STK32A: variants seen among roughly 807,000 people sequenced by gnomAD.
STK32A encodes the protein serine/threonine kinase 32A.
Under a neutral mutation model 53.2 loss-of-function variants are expected in STK32A, and 41 were observed. The observed-to-expected ratio is 0.77, with a 90% CI of 0.60 to 1.00. STK32A has a LOEUF of 1.00. STK32A is among the 50% of genes least tolerant of loss of function. The pLI, the probability that STK32A is intolerant of heterozygous loss-of-function variation, is 0.00. For synonymous variants in STK32A, 166 were observed against 162.8 expected, an observed-to-expected ratio of 1.02 and a Z score of -0.15; for missense variants, 458 against 485.8, an observed-to-expected ratio of 0.94 and a Z score of 0.54.
At position 147,279,246 on chromosome 5, in the gene STK32A, G is replaced by A; in HGVS notation, c.109-1G>A. 2 of 1,611,516 alleles carry A rather than the reference G, an allele frequency of 1.2e-6. No homozygotes were observed. The highest frequency in any genetic ancestry group is 4.5e-5 in the East Asian group (2 of 44,802). ...TCTCTCACTCGGGTTTTCACCATTAGGTCTGCATTGTACAGAAGAATGATA... is the reference window on the plus strand; with the variant it reads ...TCTCTCACTCGGGTTTTCACCATTAAGTCTGCATTGTACAGAAGAATGATA... On this transcript the variant is annotated splice_acceptor_variant, in intron 3 of 12. Coordinates refer to ENST00000397936, the MANE Select transcript of STK32A (RefSeq NM_001112724.2). LOFTEE classifies it high-confidence loss of function.
intron 2 of STK32A, among the ~76,000 whole-genome samples, chr5:147,260,171 C>G (rs1347022251): frequency 3.3e-4 from 4 of 12,194 alleles, no homozygotes; most frequent in African/African-American, 1.7e-3. Context: ...CTGTCTCTCT[C>G]TCTCTCTCCT....
chr5:147,384,271 C>A lies in STK32A; in HGVS notation c.*288C>A. ...AGGGTTATACTAGACGAGCCATACC[C>A]TGCCTTTTTAGTGCTATAGTTGTTA... On this transcript the variant is annotated 3_prime_UTR_variant, in exon 13 of 13. Coordinates refer to ENST00000397936, the MANE Select transcript of STK32A (RefSeq NM_001112724.2). The A allele has an allele frequency of 7.4e-7, 1 of 1,346,338 alleles. No individual in the cohort carries two copies. Among genetic ancestry groups the A allele is most frequent in the South Asian group, 1.6e-5 (1 of 61,476 alleles). 83.4% of individuals were successfully genotyped at this position (1,346,338 alleles called of 1,614,324 possible).
At chr5:147,400,981 G>T in the STK32A span, 1 of 1,100,924 alleles carries the variant, frequency 9.1e-7, no homozygotes, top group Non-Finnish European at 1.2e-6. Context: ...ATATGAGCTT[G>T]GATGAGTTTC....
intron 4 of STK32A, among the ~76,000 whole-genome samples, chr5:147,309,459 G>A (rs1179890965): frequency 6.6e-6 from 1 of 152,132 alleles, no homozygotes; most frequent in African/African-American, 2.4e-5. Flanking sequence ...AATCTATCCT[G>A]CAGATTTGTA....
At chr5:147,302,164 G>A (rs748464049) in intron 4 of STK32A, among the ~76,000 whole-genome samples, 2 of 152,092 alleles carry the variant, frequency 1.3e-5, no homozygotes, top group African/African-American at 2.4e-5. Context: ...AGTATTTAGT[G>A]CAATTCATTC....
chr5:147,244,970 A>G (rs7717260), intron 2 of STK32A, among the ~76,000 whole-genome samples: 62,494 of 152,038 alleles, frequency 0.41, 12,976 homozygotes, highest in Admixed American at 0.45. Context: ...AAACAAAATT[A>G]ATTAAATGCA....
At chr5:147,330,182 TCTC>T (rs1178294804) in intron 5 of STK32A, among the ~76,000 whole-genome samples, 1 of 152,164 alleles carries the variant, frequency 6.6e-6, no homozygotes, top group Non-Finnish European at 1.5e-5. Context: ...AGAACTGGGT[TCTC>T]TTCTGGAGGC....
chr5:147,290,491 C>T (rs1431475409), intron 4 of STK32A, among the ~76,000 whole-genome samples: 2 of 152,098 alleles, frequency 1.3e-5, no homozygotes, highest in Non-Finnish European at 2.9e-5. Context: ...CAACCCACAG[C>T]CTGAAAACAA....
intron 2 of STK32A, among the ~76,000 whole-genome samples, chr5:147,271,834 C>G (rs374729376): frequency 6.6e-6 from 1 of 152,060 alleles, no homozygotes; most frequent in Non-Finnish European, 1.5e-5. Flanking sequence ...CAATGGTGCC[C>G]GAAACTTCAT....
rs181031827 is a variant in STK32A at position 147,271,621 on chromosome 5, A to G, written c.53-6503A>G. ...TCTCAGCAATGAACATCCCTGAGAA[A>G]GAGAATGTGCCCCTGAGGGTGGGCC... On this transcript the variant is annotated intron_variant, in intron 2 of 12. Coordinates refer to ENST00000397936, the MANE Select transcript of STK32A (RefSeq NM_001112724.2). Among the ~76,000 whole-genome samples the G allele has an allele frequency of 2.3e-3, 353 of 152,330 alleles. 2 individuals carry two copies. The highest frequency in any genetic ancestry group is 5.5e-3 in the African/African-American group (228 of 41,562).
chr5:147,397,769 A>G, the STK32A span: 2 of 1,614,186 alleles, frequency 1.2e-6, no homozygotes, highest in East Asian at 2.2e-5. Flanking sequence ...ATCTTCCAGC[A>G]TGATCTTGCC....
At chr5:147,400,833 G>A in the STK32A span, 11 of 1,612,860 alleles carry the variant, frequency 6.8e-6, no homozygotes, top group South Asian at 5.5e-5. Flanking sequence ...GCAGATCCCC[G>A]CTGGCAAAGG....
chr5:147,305,816 C>G (rs1753376925), intron 4 of STK32A, among the ~76,000 whole-genome samples: 1 of 151,860 alleles, frequency 6.6e-6, no homozygotes, highest in Non-Finnish European at 1.5e-5. Flanking sequence ...GAGACTTTCG[C>G]AGAGTACTAC....
chr5:147,280,062 G>A (rs1395545877), intron 4 of STK32A, among the ~76,000 whole-genome samples: 1 of 152,166 alleles, frequency 6.6e-6, no homozygotes, highest in African/African-American at 2.4e-5. Context: ...TGGACTTGAA[G>A]AGCCCAGTGA....
chr5:147,277,040 T>C (rs763062048), intron 2 of STK32A, among the ~76,000 whole-genome samples: 6 of 152,192 alleles, frequency 3.9e-5, no homozygotes, highest in Non-Finnish European at 7.3e-5. Context: ...AATGTTTGAC[T>C]CTCAGATATC....
intron 2 of STK32A, among the ~76,000 whole-genome samples, chr5:147,266,289 C>T (rs749864843): frequency 1.3e-5 from 2 of 152,100 alleles, no homozygotes; most frequent in Admixed American, 6.6e-5. Flanking sequence ...GTGAGTAAGT[C>T]GATGAGTGAG....
chr5:147,310,077 G>T (rs976258899), intron 4 of STK32A, among the ~76,000 whole-genome samples: 29 of 152,086 alleles, frequency 1.9e-4, no homozygotes, highest in Admixed American at 1.9e-3. Flanking sequence ...AATATTCTTA[G>T]GTCTGAGAAA....
chr5:147,312,037 A>G (rs1464589952), intron 4 of STK32A, among the ~76,000 whole-genome samples: 1 of 152,182 alleles, frequency 6.6e-6, no homozygotes, highest in African/African-American at 2.4e-5. Flanking sequence ...TCCAACCAAG[A>G]GTCTTTAAGT....
the STK32A span, chr5:147,394,014 CT>C: frequency 6.2e-7 from 1 of 1,613,008 alleles, no homozygotes; most frequent in Non-Finnish European, 8.5e-7. Context: ...GCTTCTGCCC[CT>C]CTCTTTGAGG....
Sources: allele counts gnomAD v4.1 joint callset (sites outside exome capture counted in the v4.1 genomes callset), GRCh38; gene constraint gnomAD v4.1.1; transcripts MANE v1.5; gene names NCBI Gene and HGNC (gene_info 2026-07-23, HGNC 2026-07-21).